Variants in FOXO1 observed in about 807,000 individuals in gnomAD.
FOXO1 encodes the protein forkhead box protein O1.
A neutral mutation model predicts 44.1 loss-of-function variants in FOXO1; 6 were observed. The observed-to-expected ratio is 0.14, with a 90% CI of 0.07 to 0.27. The LOEUF is 0.27. FOXO1 is among the 10% of genes least tolerant of loss of function. The probability of loss-of-function intolerance (pLI) is 1.00; values close to 1 mark genes in which losing one functional copy is unlikely to be tolerated. For missense variants in FOXO1, 737 were observed against 888.8 expected, an observed-to-expected ratio of 0.83 and a Z score of 2.17; for synonymous variants, 380 against 362.7, an observed-to-expected ratio of 1.05 and a Z score of -0.54.
chr13:40,592,334 T>C (rs932499190), intron 1 of FOXO1, among the ~76,000 whole-genome samples: 1 of 152,256 alleles, frequency 6.6e-6, no homozygotes, highest in Non-Finnish European at 1.5e-5. Context: ...ACAGAGAAAG[T>C]TGCTCTCAGC....
At chr13:40,572,845 G>A (rs933760236) in intron 1 of FOXO1, among the ~76,000 whole-genome samples, 6 of 152,248 alleles carry the variant, frequency 3.9e-5, no homozygotes, top group East Asian at 3.9e-4. Context: ...GGTCTGCTGC[G>A]CAACAGCCCT....
At chr13:40,564,210 A>T (rs1457087847) in intron 1 of FOXO1, among the ~76,000 whole-genome samples, 1 of 152,130 alleles carries the variant, frequency 6.6e-6, no homozygotes, top group East Asian at 1.9e-4. Flanking sequence ...TGCAGGAGAC[A>T]TAATAAGGAA....
At chr13:40,658,853 C>CA (rs930285479) in intron 1 of FOXO1, among the ~76,000 whole-genome samples, 21 of 151,002 alleles carry the variant, frequency 1.4e-4, no homozygotes, top group Admixed American at 4.0e-4. Context: ...ACTAAAAATA[C>CA]AAAAAAAAAT....
chr13:40,633,124 T>C (rs904811991), intron 1 of FOXO1, among the ~76,000 whole-genome samples: 2 of 152,222 alleles, frequency 1.3e-5, no homozygotes, highest in East Asian at 3.8e-4. Flanking sequence ...ATCAAGGTTG[T>C]AGAGAGATGA....
At chr13:40,635,721 T>C (rs1312205182) in intron 1 of FOXO1, among the ~76,000 whole-genome samples, 1 of 152,246 alleles carries the variant, frequency 6.6e-6, no homozygotes, top group East Asian at 1.9e-4. Flanking sequence ...TGATGCCTTG[T>C]GCAGGAAAGG....
At chr13:40,620,177 C>G (rs1861845617) in intron 1 of FOXO1, 1 of 1,557,016 alleles carries the variant, frequency 6.4e-7, no homozygotes. Context: ...GAAGAAGAAT[C>G]CAGCAGATCC....
At chr13:40,619,021 T>C (rs1339391251) in intron 1 of FOXO1, 6 of 500,736 alleles carry the variant, frequency 1.2e-5, no homozygotes, top group Admixed American at 1.2e-4. Context: ...ACACCGTGAC[T>C]CATGCCTGTA....
intron 1 of FOXO1, chr13:40,620,340 G>T: frequency 1.3e-6 from 1 of 771,670 alleles, no homozygotes; most frequent in Non-Finnish European, 2.3e-6. Flanking sequence ...AAGCAATAGT[G>T]GGGGCTTCTG....
At chr13:40,564,969 T>G (rs552709781) in intron 1 of FOXO1, among the ~76,000 whole-genome samples, 4 of 150,654 alleles carry the variant, frequency 2.7e-5, no homozygotes, top group South Asian at 2.1e-4. Flanking sequence ...CGACATGGTG[T>G]AGTCGGGGAA....
intron 1 of FOXO1, among the ~76,000 whole-genome samples, chr13:40,570,201 T>C (rs1874431354): frequency 6.6e-6 from 1 of 151,760 alleles, no homozygotes; most frequent in Non-Finnish European, 1.5e-5. Context: ...TCCCAGCTAC[T>C]TGGGAGGCTG....
At position 40,606,238 on chromosome 13, in the gene FOXO1, G is replaced by A. The variant is rs1875992713; in HGVS notation, c.631-45378C>T. On this transcript the variant is annotated intron_variant, in intron 1 of 2. Coordinates refer to ENST00000379561, the MANE Select transcript of FOXO1 (RefSeq NM_002015.4). ...CACCATATCTCTCTCATCACCCAGA[G>A]CTATATAGCCTAAAACGGACTACTT... 2.0e-5 allele frequency among the ~76,000 whole-genome samples: 3 copies of A among 152,286 alleles called. No individual in the cohort carries two copies. The South Asian group carries it at 6.2e-4, about 32-fold the overall frequency.
At chr13:40,609,724 T>C (rs1425860928) in intron 1 of FOXO1, among the ~76,000 whole-genome samples, 1 of 152,128 alleles carries the variant, frequency 6.6e-6, no homozygotes, top group Non-Finnish European at 1.5e-5. Context: ...GGAAAAAAAT[T>C]CCTCAAGGCC....
At chr13:40,633,001 T>C (rs1016213382) in intron 1 of FOXO1, among the ~76,000 whole-genome samples, 3 of 150,994 alleles carry the variant, frequency 2.0e-5, no homozygotes, top group Non-Finnish European at 4.4e-5. Context: ...CCAATAAGCA[T>C]ATAAAAAGAT....
chr13:40,600,196 A>G (rs1007882569), intron 1 of FOXO1, among the ~76,000 whole-genome samples: 1 of 152,246 alleles, frequency 6.6e-6, no homozygotes, highest in African/African-American at 2.4e-5. Context: ...GGCAACAGCC[A>G]GCCAACTGGT....
intron 1 of FOXO1, among the ~76,000 whole-genome samples, chr13:40,626,581 T>C (rs1040116764): frequency 1.4e-4 from 22 of 152,320 alleles, no homozygotes; most frequent in Admixed American, 2.6e-4. Flanking sequence ...TGATAAACTG[T>C]TACACACCTA....
intron 1 of FOXO1, among the ~76,000 whole-genome samples, chr13:40,662,259 A>G (rs1199421647): frequency 6.6e-6 from 1 of 151,952 alleles, no homozygotes; most frequent in African/African-American, 2.4e-5. Context: ...TTATTTAACA[A>G]GAGTTAAGTG....
At chr13:40,565,061 G>A (rs1317955752) in intron 1 of FOXO1, among the ~76,000 whole-genome samples, 1 of 147,352 alleles carries the variant, frequency 6.8e-6, no homozygotes, top group Admixed American at 7.3e-5. Context: ...AAGAGCAAAT[G>A]GGCTAAAGCT....
In FOXO1 at chr13:40,655,106, T is replaced by G. The variant is rs140482178; in HGVS notation, c.630+10477A>C. Among the ~76,000 whole-genome samples the G allele has an allele frequency of 1.4e-3, 205 of 151,784 alleles. 2 individuals carry two copies. The highest frequency in any genetic ancestry group is 4.7e-3 in the African/African-American group (194 of 41,396). On this transcript the variant is annotated intron_variant, in intron 1 of 2. Coordinates refer to ENST00000379561, the MANE Select transcript of FOXO1 (RefSeq NM_002015.4). ...ATCCCAGCACTTTGGGAGGCCAAGGTGGGTGGATCAGTTGAGGTCAGGATT... is the reference window on the plus strand; with the variant it reads ...ATCCCAGCACTTTGGGAGGCCAAGGGGGGTGGATCAGTTGAGGTCAGGATT...
intron 1 of FOXO1, among the ~76,000 whole-genome samples, chr13:40,606,543 C>A (rs1201961507): frequency 6.6e-6 from 1 of 152,174 alleles, no homozygotes; most frequent in African/African-American, 2.4e-5. Context: ...AAACTCCTGA[C>A]CTCAAGTGAT....
Sources: gnomAD v4.1 joint callset for allele counts (sites outside exome capture counted in the v4.1 genomes callset) on GRCh38, gnomAD v4.1.1 for gene constraint, MANE v1.5 for transcripts, NCBI Gene and HGNC (gene_info 2026-07-23, HGNC 2026-07-21) for gene names.